Variants in CLK4 observed in about 807,000 individuals in gnomAD.
The protein encoded by CLK4 is CDC like kinase 4.
A neutral mutation model predicts 64.4 loss-of-function variants in CLK4; 37 were observed. That is an observed-to-expected ratio of 0.57 (90% CI 0.44 to 0.76). The LOEUF is 0.76. CLK4 is among the 30% of genes least tolerant of loss of function. The pLI, the probability that CLK4 is intolerant of heterozygous loss-of-function variation, is 0.00. For synonymous variants in CLK4, 175 were observed against 191.6 expected, an observed-to-expected ratio of 0.91 and a Z score of 0.72; for missense variants, 457 against 605.1, an observed-to-expected ratio of 0.76 and a Z score of 2.57.
intron 10 of CLK4, among the ~76,000 whole-genome samples, chr5:178,607,732 G>A (rs1036698315): frequency 2.6e-5 from 4 of 151,540 alleles, no homozygotes; most frequent in Non-Finnish European, 5.9e-5. Context: ...GGATGGTCTC[G>A]ATCTCCTGAC....
At chr5:178,625,454 G>C (rs969633381) in intron 1 of CLK4, among the ~76,000 whole-genome samples, 1 of 148,554 alleles carries the variant, frequency 6.7e-6, no homozygotes, top group African/African-American at 2.5e-5. Context: ...AAGAAAATGT[G>C]TATTTCAAGT....
chr5:178,612,544 TTCTAGAGAGACACAGTTGAGTAAA>T lies in CLK4; in HGVS notation c.922-23_922del. 1 of 1,613,788 alleles carries T rather than the reference TTCTAGAGAGACACAGTTGAGTAAA, an allele frequency of 6.2e-7. No individual in the cohort carries two copies. The highest frequency in any genetic ancestry group is 8.5e-7 in the Non-Finnish European group (1 of 1,179,886). On this transcript the variant is annotated splice_acceptor_variant and splice_polypyrimidine_tract_variant and coding_sequence_variant and intron_variant, in exon 9 of 13. Coordinates refer to ENST00000316308, the MANE Select transcript of CLK4 (RefSeq NM_020666.3). LOFTEE classifies it high-confidence loss of function. ...GTTTTTCAGTGTGCGTTCATCACGT[TTCTAGAGAGACACAGTTGAGTAAA>T]CATGAAACTCAATAGATACATTTTA...
In CLK4 at chr5:178,602,867, T is replaced by G. The variant is rs1764406916; in HGVS notation, c.*750A>C. The G allele has an allele frequency of 6.6e-6, 1 of 152,222 alleles. No homozygotes were observed. Among genetic ancestry groups the G allele is most frequent in the South Asian group, 2.1e-4 (1 of 4,834 alleles). 9.4% of individuals were successfully genotyped at this position (152,222 alleles called of 1,614,324 possible). On this transcript the variant is annotated 3_prime_UTR_variant, in exon 13 of 13. Coordinates refer to ENST00000316308, the MANE Select transcript of CLK4 (RefSeq NM_020666.3). ...AGATGCTGGCCAATGTTAAGACTCC[T>G]AAGGACTTGGTATTAAAAACTGAAA... is the stretch of plus-strand genomic sequence containing the variant.
chr5:178,625,687 A>T (rs1764769442), intron 1 of CLK4, among the ~76,000 whole-genome samples: 1 of 152,192 alleles, frequency 6.6e-6, no homozygotes, highest in South Asian at 2.1e-4. Flanking sequence ...ACAACCAGCT[A>T]ACCTCCAGCA....
chr5:178,613,460 C>T lies in CLK4; in HGVS notation c.826+13G>A, dbSNP rs748082642. The T allele has an allele frequency of 1.5e-5, 22 of 1,460,878 alleles. No homozygotes were observed. In the East Asian group the frequency reaches 4.8e-4, roughly 32 times the overall value. 90.5% of individuals were successfully genotyped at this position (1,460,878 alleles called of 1,614,324 possible). A position where few individuals can be genotyped will look rare whatever the true frequency, so the allele number is the denominator to read the frequency against. On this transcript the variant is annotated intron_variant, in intron 7 of 12. Transcript: ENST00000316308. ...TAAATAAATAAAAATAAAGATTTAT[C>T]AAGTGTACTTACAATTTATTGACTG...
intron 5 of CLK4, among the ~76,000 whole-genome samples, 155 bp from the exon 6 acceptor site, chr5:178,613,998 A>G (rs776464272): frequency 6.6e-5 from 10 of 152,248 alleles, no homozygotes; most frequent in Non-Finnish European, 1.5e-4. Context: ...ACATCTTCTT[A>G]AAACATTTTG....
In CLK4 at chr5:178,608,355, TG is replaced by T. The variant is rs747910008; in HGVS notation, c.1134+20del. 1.3e-5 allele frequency: 19 copies of T among 1,509,224 alleles called. 1 individual carries two copies. Among genetic ancestry groups the T allele is most frequent in the Admixed American group, 2.1e-5 (1 of 48,594 alleles). 93.5% of individuals were successfully genotyped at this position (1,509,224 alleles called of 1,614,324 possible). The stretch of plus-strand genomic sequence containing the variant: ...TTACAATTTGTTATGAATTATTAAA[TG>T]GAATTTACTAGCCACGTACCTGAAA... On this transcript the variant is annotated intron_variant, in intron 10 of 12. Transcript: ENST00000316308.
In CLK4 at chr5:178,603,712, G is replaced by C. The variant is rs772050551; in HGVS notation, c.1351C>G (p.Leu451Val). ...TCATATTCTAACATTCTTCGAACCA[G>C]GTCAAACAGTTTCTCATGTTCTTCA... ...HDEEHEKLFDLVRRMLEYDPT... is the reference protein window; with the variant it reads ...HDEEHEKLFDVVRRMLEYDPT... Residue 451 changes from leucine (L) to valine (V), a missense_variant, in exon 13 of 13, where the codon CTG (leucine) becomes GTG (valine). By Grantham distance (32) the Leu-to-Val change is conservative (BLOSUM62 1). Coordinates refer to ENST00000316308, the MANE Select transcript of CLK4 (RefSeq NM_020666.3). 3 of 1,605,172 alleles carry C rather than the reference G, an allele frequency of 1.9e-6. No homozygotes were observed. The highest frequency in any genetic ancestry group is 1.7e-6 in the Non-Finnish European group (2 of 1,177,192).
rs115582977 is a variant in CLK4 at position 178,625,632 on chromosome 5, A to G, written c.-1+1314T>C. Among the ~76,000 whole-genome samples, 543 of 152,196 alleles carry G rather than the reference A, an allele frequency of 3.6e-3. 1 individual carries two copies. The highest frequency in any genetic ancestry group is 0.011 in the African/African-American group (465 of 41,496). The stretch of plus-strand genomic sequence containing the variant: ...ATGAAGTTTTTTTCAAGACTTATGT[A>G]TCTTCTTCAGTTTTGTTTTTTCCTC... On this transcript the variant is annotated intron_variant, in intron 1 of 12. Transcript: ENST00000316308.
At position 178,617,668 on chromosome 5, in the gene CLK4, T is replaced by TA. The variant is rs1764643675; in HGVS notation, c.385-235dup. On this transcript the variant is annotated intron_variant, in intron 3 of 12. Transcript: ENST00000316308. The surrounding 1 kb of genome is among the most constrained non-coding windows in gnomAD (Gnocchi z 5.2). ...GGAACAGATTTTCAGATAAGATACTTAAAGTGGCAATAGAAAAAAACAACA... is the reference window on the plus strand; with the variant it reads ...GGAACAGATTTTCAGATAAGATACTTAAAAGTGGCAATAGAAAAAAACAACA... 1 of 335,096 alleles carries TA rather than the reference T, an allele frequency of 3.0e-6. No individual in the cohort carries two copies. Among genetic ancestry groups the TA allele is most frequent in the Non-Finnish European group, 5.3e-6 (1 of 188,328 alleles). 20.8% of individuals were successfully genotyped at this position (335,096 alleles called of 1,614,324 possible). A position where few individuals can be genotyped will look rare whatever the true frequency, so the allele number is the denominator to read the frequency against.
At chr5:178,615,843 G>A (rs1162916467) in intron 5 of CLK4, among the ~76,000 whole-genome samples, 1 of 152,108 alleles carries the variant, frequency 6.6e-6, no homozygotes, top group African/African-American at 2.4e-5. Context: ...GGTAAAATGA[G>A]GCAGAAAGGG....
At chr5:178,624,282 C>T (rs983569639) in intron 1 of CLK4, among the ~76,000 whole-genome samples, 7 of 152,202 alleles carry the variant, frequency 4.6e-5, no homozygotes, top group African/African-American at 1.4e-4. Flanking sequence ...CTGCGCTACA[C>T]ATAGTGAAAC....
chr5:178,603,512 C>A lies in CLK4; in HGVS notation c.*105G>T. ...CATACAATATTTACACTTAACTGTA[C>A]AAAATAATTTAATGTTTACAAAAAT... On this transcript the variant is annotated 3_prime_UTR_variant, in exon 13 of 13. Coordinates refer to ENST00000316308, the MANE Select transcript of CLK4 (RefSeq NM_020666.3). 2.5e-6 allele frequency: 2 copies of A among 794,780 alleles called. No homozygotes were observed. The highest frequency in any genetic ancestry group is 3.7e-6 in the Non-Finnish European group (2 of 545,188). 49.2% of individuals were successfully genotyped at this position (794,780 alleles called of 1,614,324 possible).
At chr5:178,612,575 A>G in intron 8 of CLK4, 30 bp from the exon 9 acceptor site, 1 of 1,607,554 alleles carries the variant, frequency 6.2e-7, no homozygotes, top group South Asian at 1.1e-5. Flanking sequence ...TAAACATGAA[A>G]CTCAATAGAT....
rs142298415 is a variant in CLK4 at position 178,603,692 on chromosome 5, T to C, written c.1371A>G (p.Glu457=). 8 of 1,606,410 alleles carry C rather than the reference T, an allele frequency of 5.0e-6. No individual in the cohort carries two copies. In the African/African-American group the frequency reaches 8.1e-5, roughly 16 times the overall value. The change falls in exon 13 of 13, where the codon GAA becomes GAG. Residue 457 remains glutamate (E), a synonymous_variant. Transcript: ENST00000316308. ...KLFDLVRRML[E]YDPTQRITLD... ...AGGTAATTCTTTGAGTTGGATCATA[T>C]TCTAACATTCTTCGAACCAGGTCAA...
Position 178,618,724 on chromosome 5 carries a change from G to A in CLK4, c.216C>T (p.Tyr72=), listed in dbSNP as rs759142609. The A allele has an allele frequency of 5.6e-6, 9 of 1,613,726 alleles. No individual in the cohort carries two copies. The highest frequency in any genetic ancestry group is 2.2e-5 in the East Asian group (1 of 44,850). ...AGTAGTCATTCCTGTATTCGTCAACGTATCTCCGGTCCCGATAATCTCGCT... is the reference window on the plus strand; with the variant it reads ...AGTAGTCATTCCTGTATTCGTCAACATATCTCCGGTCCCGATAATCTCGCT... ...LNERDYRDRR[Y]VDEYRNDYCE... The change falls in exon 3 of 13, where the codon TAC becomes TAT. Residue 72 remains tyrosine, a synonymous_variant. Coordinates refer to ENST00000316308, the MANE Select transcript of CLK4 (RefSeq NM_020666.3).
intron 9 of CLK4, among the ~76,000 whole-genome samples, chr5:178,609,727 AT>A (rs1171135105): frequency 1.8e-5 from 2 of 110,392 alleles, no homozygotes; most frequent in African/African-American, 3.9e-5. Flanking sequence ...AATAATAAAA[AT>A]TTTAAAATAT....
intron 10 of CLK4, among the ~76,000 whole-genome samples, chr5:178,607,955 T>C (rs1283074641): frequency 6.6e-6 from 1 of 152,246 alleles, no homozygotes; most frequent in Non-Finnish European, 1.5e-5. Context: ...TAAGACATTA[T>C]AGATGCTTAA....
Position 178,612,555 on chromosome 5 carries a change from C to T in CLK4, c.922-10G>A, listed in dbSNP as rs372278919. 1.2e-6 allele frequency: 2 copies of T among 1,612,762 alleles called. No individual in the cohort carries two copies. On this transcript the variant is annotated splice_polypyrimidine_tract_variant and intron_variant, in intron 8 of 12. Coordinates refer to ENST00000316308, the MANE Select transcript of CLK4 (RefSeq NM_020666.3). Reference sequence around the variant, plus strand: ...TGCGTTCATCACGTTTCTAGAGAGACACAGTTGAGTAAACATGAAACTCAA... The same window carrying T: ...TGCGTTCATCACGTTTCTAGAGAGATACAGTTGAGTAAACATGAAACTCAA...
Sources: allele counts gnomAD v4.1 joint callset (sites outside exome capture counted in the v4.1 genomes callset), GRCh38; gene constraint gnomAD v4.1.1; non-coding constraint Gnocchi (gnomAD v3.1); transcripts MANE v1.5; gene names NCBI Gene and HGNC (gene_info 2026-07-23, HGNC 2026-07-21).